Variants in SSBP3 observed in about 807,000 individuals in gnomAD.
SSBP3 encodes single-stranded DNA-binding protein 3.
A neutral mutation model predicts 69.6 loss-of-function variants in SSBP3; 5 were observed. The ratio of observed to expected loss-of-function variants is 0.07; its 90% CI spans 0.04 to 0.15. The LOEUF is 0.15. Among genes scored for constraint, SSBP3 ranks in the 10% least tolerant of loss-of-function variants. The probability of loss-of-function intolerance (pLI) is 1.00; values close to 1 mark genes in which losing one functional copy is unlikely to be tolerated. For synonymous variants in SSBP3, 196 were observed against 193.4 expected, an observed-to-expected ratio of 1.01 and a Z score of -0.11; for missense variants, 312 against 534.0, an observed-to-expected ratio of 0.58 and a Z score of 4.10.
chr1:54,263,177 T>C (rs6692067), intron 5 of SSBP3, among the ~76,000 whole-genome samples: 2,297 of 152,280 alleles, frequency 0.015, 53 homozygotes, highest in African/African-American at 0.05. Context: ...AAAAAGCCTT[T>C]ACCCACACTG....
At chr1:54,249,480 A>G (rs1222598713) in intron 9 of SSBP3, among the ~76,000 whole-genome samples, 1 of 152,066 alleles carries the variant, frequency 6.6e-6, no homozygotes, top group Non-Finnish European at 1.5e-5. Flanking sequence ...GGATCACTTG[A>G]GCCCAGGAGT....
intron 4 of SSBP3, among the ~76,000 whole-genome samples, chr1:54,299,683 C>A (rs1645766671): frequency 6.6e-6 from 1 of 152,234 alleles, no homozygotes; most frequent in African/African-American, 2.4e-5. Context: ...CACACAACCA[C>A]CCCAGTGTCT....
At position 54,276,468 on chromosome 1, in the gene SSBP3, G is replaced by A. The variant is rs557937255; in HGVS notation, c.366+4970C>T. 2.1e-3 allele frequency among the ~76,000 whole-genome samples: 314 copies of A among 151,842 alleles called. 2 individuals carry two copies. The highest frequency in any genetic ancestry group is 5.3e-3 in the African/African-American group (221 of 41,406). ...TCTACTAAAAATACAAAAATTAGCC[G>A]GGCATGGTGGTGAGCGCCTGTAATC... On this transcript the variant is annotated intron_variant, in intron 5 of 17. Transcript: ENST00000610401.
chr1:54,238,307 AC>A, intron 14 of SSBP3: 1 of 471,006 alleles, frequency 2.1e-6, no homozygotes, highest in Non-Finnish European at 4.4e-6. Flanking sequence ...AAAGCCTCGC[AC>A]TTTAGGGCCC....
intron 4 of SSBP3, among the ~76,000 whole-genome samples, chr1:54,312,670 T>A (rs1037012450): frequency 2.6e-5 from 4 of 152,076 alleles, no homozygotes; most frequent in African/African-American, 9.7e-5. Context: ...CCTCTCTGTA[T>A]CCTTAAGGCT....
intron 5 of SSBP3, among the ~76,000 whole-genome samples, chr1:54,278,489 T>TCA (rs1420025937): frequency 6.6e-6 from 1 of 152,074 alleles, no homozygotes; most frequent in Non-Finnish European, 1.5e-5. Flanking sequence ...TGGCCAACCC[T>TCA]CATTGTGGGT....
chr1:54,363,787 G>A (rs1646986452), intron 4 of SSBP3, among the ~76,000 whole-genome samples: 1 of 152,216 alleles, frequency 6.6e-6, no homozygotes, highest in South Asian at 2.1e-4. Context: ...ATATTGTTTT[G>A]TGGTAGAGAC....
Position 54,284,462 on chromosome 1 carries a change from TA to T in SSBP3, c.277-2936del, listed in dbSNP as rs554362422. ...TCTAGACTAAGGGTAAGTTATAATT[TA>T]AAAAAAAAATTAAAATTATTATTAT... On this transcript the variant is annotated intron_variant, in intron 4 of 17. Coordinates refer to ENST00000610401, the Ensembl canonical transcript of SSBP3. Among the ~76,000 whole-genome samples, 198 of 149,732 alleles carry T rather than the reference TA, an allele frequency of 1.3e-3. 1 individual carries two copies. Among genetic ancestry groups the T allele is most frequent in the South Asian group, 7.8e-3 (37 of 4,724 alleles).
intron 4 of SSBP3, among the ~76,000 whole-genome samples, chr1:54,332,643 A>G (rs942342594): frequency 3.9e-5 from 6 of 152,158 alleles, no homozygotes; most frequent in African/African-American, 1.4e-4. Flanking sequence ...AACCAGAGCC[A>G]AGGAAGTGAC....
upstream of SSBP3, among the ~76,000 whole-genome samples, chr1:54,408,891 T>G (rs1334041277): frequency 1.3e-5 from 2 of 152,146 alleles, no homozygotes; most frequent in Non-Finnish European, 2.9e-5. Flanking sequence ...CGATGGTTGG[T>G]AGATCCCTTG....
intron 5 of SSBP3, among the ~76,000 whole-genome samples, chr1:54,270,409 C>T (rs557322980): frequency 1.3e-5 from 2 of 152,202 alleles, no homozygotes; most frequent in African/African-American, 4.8e-5. Flanking sequence ...GTCAAGGTGG[C>T]AGGGGCTAAG....
intron 4 of SSBP3, among the ~76,000 whole-genome samples, chr1:54,287,891 G>A (rs991452448): frequency 6.6e-6 from 1 of 152,176 alleles, no homozygotes; most frequent in Non-Finnish European, 1.5e-5. Context: ...AGAGAAAACA[G>A]AGCTGTTGCT....
intron 5 of SSBP3, among the ~76,000 whole-genome samples, chr1:54,260,474 C>T (rs1644998679): frequency 1.3e-5 from 2 of 152,342 alleles, no homozygotes; most frequent in African/African-American, 4.8e-5. Context: ...GCGTGTGGCG[C>T]ACACGGTGGG....
intron 4 of SSBP3, among the ~76,000 whole-genome samples, chr1:54,388,503 C>T (rs1175500610): frequency 6.6e-6 from 1 of 152,248 alleles, no homozygotes; most frequent in Non-Finnish European, 1.5e-5. Context: ...GTATCCCTCA[C>T]TGTCCCCATG....
chr1:54,313,995 A>G (rs566511465), intron 4 of SSBP3, among the ~76,000 whole-genome samples: 29 of 152,258 alleles, frequency 1.9e-4, no homozygotes, highest in African/African-American at 6.7e-4. Context: ...AAGTCCTGAC[A>G]TCAGGTGATC....
At chr1:54,307,537 G>A (rs1645922377) in intron 4 of SSBP3, among the ~76,000 whole-genome samples, 1 of 152,162 alleles carries the variant, frequency 6.6e-6, no homozygotes, top group Non-Finnish European at 1.5e-5. Flanking sequence ...ATCCGTCAGG[G>A]GTGTGTGAAC....
intron 4 of SSBP3, among the ~76,000 whole-genome samples, chr1:54,389,661 C>T (rs941428322): frequency 1.3e-5 from 2 of 151,908 alleles, no homozygotes; most frequent in African/African-American, 4.8e-5. Context: ...AGTTTGAGAC[C>T]AGCCTGGGCA....
intron 4 of SSBP3, among the ~76,000 whole-genome samples, chr1:54,341,803 C>G (rs570141484): frequency 1.3e-5 from 2 of 151,740 alleles, no homozygotes; most frequent in East Asian, 3.9e-4. Flanking sequence ...TAGGAAGTAC[C>G]CTGTAGGCTG....
At chr1:54,231,113 ACGT>A (rs768747656) in intron 14 of SSBP3, among the ~76,000 whole-genome samples, 4 of 152,216 alleles carry the variant, frequency 2.6e-5, no homozygotes, top group Non-Finnish European at 5.9e-5. Context: ...TTTCGAGGAA[ACGT>A]CAAACTGTTT....
Sources: allele counts gnomAD v4.1 joint callset (sites outside exome capture counted in the v4.1 genomes callset), GRCh38; gene constraint gnomAD v4.1.1; transcripts MANE v1.5; gene names NCBI Gene and HGNC (gene_info 2026-07-23, HGNC 2026-07-21).